RASA3: variants seen among roughly 807,000 people sequenced by gnomAD.
RASA3 encodes the protein RAS p21 protein activator 3, also known as ras GTPase-activating protein 3.
Under a neutral mutation model 110.0 loss-of-function variants are expected in RASA3, and 73 were observed. The observed-to-expected ratio is 0.66, with a 90% CI of 0.55 to 0.81. The LOEUF (loss-of-function observed/expected upper bound fraction) is 0.81. Ranked by LOEUF, RASA3 falls within the 30% of genes least tolerant of loss-of-function variation. RASA3 has a pLI of 0.00. For missense variants in RASA3, 976 were observed against 1,113.2 expected (o/e 0.88, Z 1.75); for synonymous variants, 500 against 451.4 (o/e 1.11, Z -1.37).
chr13:114,055,028 G>A (rs1222551822), intron 2 of RASA3, among the ~76,000 whole-genome samples: 4 of 152,070 alleles, frequency 2.6e-5, no homozygotes, highest in Non-Finnish European at 5.9e-5. Context: ...ACAGGCATGT[G>A]TGTGGGTGTG....
chr13:114,128,488 C>T (rs1455096181), intron 1 of RASA3, among the ~76,000 whole-genome samples: 1 of 152,254 alleles, frequency 6.6e-6, no homozygotes, highest in Non-Finnish European at 1.5e-5. Flanking sequence ...GCCAGGGAGG[C>T]ACAGTCCAGG....
chr13:114,060,234 G>A (rs1374099766), intron 2 of RASA3, among the ~76,000 whole-genome samples: 1 of 152,214 alleles, frequency 6.6e-6, no homozygotes, highest in Non-Finnish European at 1.5e-5. Flanking sequence ...GGGAGCCGAG[G>A]TCAGAGGTCA....
intron 1 of RASA3, among the ~76,000 whole-genome samples, chr13:114,075,465 G>C (rs188525719): frequency 0.024 from 2,069 of 84,520 alleles, 125 homozygotes; most frequent in Admixed American, 0.13. Context: ...TCCGCGCCGC[G>C]TATCTCTGCG....
chr13:114,054,038 A>T (rs1198838909), intron 2 of RASA3, among the ~76,000 whole-genome samples: 2 of 152,186 alleles, frequency 1.3e-5, no homozygotes, highest in East Asian at 3.8e-4. Flanking sequence ...AGGCAGGAGA[A>T]TCGCTTGAAC....
chr13:114,017,219 T>C lies in RASA3; in HGVS notation c.1206+18A>G. On this transcript the variant is annotated intron_variant, in intron 12 of 23. Coordinates refer to ENST00000334062, the MANE Select transcript of RASA3 (RefSeq NM_007368.4). ...CCCCACGCCTCGTGAGGCTGAGGAC[T>C]CTCGGCCCCGTGCTCACCTCCTCGA... 6.2e-7 allele frequency: 1 copy of C among 1,600,736 alleles called. No homozygotes were observed. The highest frequency in any genetic ancestry group is 8.6e-7 in the Non-Finnish European group (1 of 1,168,460).
chr13:114,053,257 G>T (rs925717382), intron 2 of RASA3, among the ~76,000 whole-genome samples: 3 of 149,534 alleles, frequency 2.0e-5, no homozygotes, highest in Non-Finnish European at 4.5e-5. Context: ...GTCACCAGGA[G>T]ATGCAGCCGC....
chr13:114,005,420 A>C (rs1594305410), intron 18 of RASA3, among the ~76,000 whole-genome samples: 1 of 152,084 alleles, frequency 6.6e-6, no homozygotes, highest in South Asian at 2.1e-4. Context: ...TTGAGGGAGG[A>C]CAGGCCTGTG....
intron 21 of RASA3, among the ~76,000 whole-genome samples, chr13:113,995,597 G>T (rs1260017487): frequency 6.6e-6 from 1 of 151,878 alleles, no homozygotes; most frequent in Non-Finnish European, 1.5e-5. Flanking sequence ...CCAGAGGCCC[G>T]GCTGATGGGG....
intron 2 of RASA3, among the ~76,000 whole-genome samples, chr13:114,060,475 G>A (rs545257041): frequency 6.6e-6 from 1 of 152,356 alleles, no homozygotes; most frequent in Non-Finnish European, 1.5e-5. Context: ...CAAGCAAGGT[G>A]CAGCGGTCAG....
rs762848541 is a variant in RASA3 at position 113,979,417 on chromosome 13, T to C, written c.2435A>G (p.His812Arg). The C allele has an allele frequency of 5.6e-6, 9 of 1,598,774 alleles. No homozygotes were observed. The highest frequency in any genetic ancestry group is 3.3e-5 in the Admixed American group (2 of 59,986). ...FKKTKYGSQE[H>R]PIGDKSFQNY... ...CTGGAAGCTCTTGTCTCCGATGGGG[T>C]GCTCCCTGAAAAGGGGGATGGGAGA... The change falls in exon 24 of 24, where the codon CAC (histidine) becomes CGC (arginine). Residue 812 changes from histidine to arginine, a missense_variant. By Grantham distance (29) the His-to-Arg change is conservative. Around this residue, in one of 4 missense-constraint regions of RASA3, gnomAD observed 132 missense variants for 152.8 expected, o/e 0.86. Transcript: ENST00000334062.
In RASA3 at chr13:114,011,248, C is replaced by A. The variant is rs754287355; in HGVS notation, c.1513G>T (p.Asp505Tyr). Reference protein sequence around the residue: ...NLFQLTPHHTDPQTSRTLTLI... With the variant: ...NLFQLTPHHTYPQTSRTLTLI... Reference sequence around the variant, plus strand: ...GTCAGCGTCCTGGACGTCTGGGGGTCCTGGGGAGGCGGGAGCAAGAAAGGT... The same window carrying A: ...GTCAGCGTCCTGGACGTCTGGGGGTACTGGGGAGGCGGGAGCAAGAAAGGT... The change falls in exon 16 of 24, where the codon GAC becomes TAC. Residue 505 changes from aspartate (D) to tyrosine (Y), a missense_variant and splice_region_variant. This residue lies in a region of RASA3 where 732 missense variants were observed against 779.7 expected (regional missense o/e 0.94). Coordinates refer to ENST00000334062, the MANE Select transcript of RASA3 (RefSeq NM_007368.4). This position sits in a 1 kb window ranked among gnomAD's most constrained non-coding sequence, Gnocchi z 4.8. 6.2e-7 allele frequency: 1 copy of A among 1,611,970 alleles called. No homozygotes were observed. Among genetic ancestry groups the A allele is most frequent in the South Asian group, 1.1e-5 (1 of 90,292 alleles).
intron 23 of RASA3, among the ~76,000 whole-genome samples, chr13:113,980,550 T>C (rs1384187168): frequency 1.3e-5 from 2 of 152,254 alleles, no homozygotes; most frequent in East Asian, 1.9e-4. Flanking sequence ...AACAGCATCA[T>C]GCTTCGCGCA....
chr13:114,003,341 A>AG (rs1444106313), intron 18 of RASA3, among the ~76,000 whole-genome samples: 1 of 152,092 alleles, frequency 6.6e-6, no homozygotes, highest in Non-Finnish European at 1.5e-5. Context: ...GGCACCTGGG[A>AG]GGCGCCTGTC....
At chr13:114,089,287 C>T (rs930329116) in intron 1 of RASA3, among the ~76,000 whole-genome samples, 4 of 87,110 alleles carry the variant, frequency 4.6e-5, no homozygotes, top group Non-Finnish European at 8.9e-5. Flanking sequence ...CGAGGGGAGA[C>T]GAGCGGGGAG....
intron 23 of RASA3, among the ~76,000 whole-genome samples, chr13:113,979,958 C>T (rs2052872241): frequency 1.3e-5 from 2 of 150,912 alleles, no homozygotes; most frequent in South Asian, 2.1e-4. Context: ...CACGTGTGTG[C>T]ACCTCCTTCC....
At chr13:114,032,587 A>G (rs1334446208) in intron 4 of RASA3, among the ~76,000 whole-genome samples, 2 of 152,044 alleles carry the variant, frequency 1.3e-5, no homozygotes, top group African/African-American at 2.4e-5. Flanking sequence ...AAAGCCCTTC[A>G]GCCCTCACTT....
At chr13:114,049,606 T>C (rs2079109324) in intron 3 of RASA3, among the ~76,000 whole-genome samples, 1 of 152,268 alleles carries the variant, frequency 6.6e-6, no homozygotes, top group African/African-American at 2.4e-5. Flanking sequence ...CTGTGGATTC[T>C]CGAGTATAAA....
At chr13:114,098,367 G>C (rs1574170) in intron 1 of RASA3, among the ~76,000 whole-genome samples, 1 of 151,940 alleles carries the variant, frequency 6.6e-6, no homozygotes, top group African/African-American at 2.4e-5. Context: ...CCCAGGGTCT[G>C]CGTGCCCAGC....
chr13:114,037,495 G>A (rs1486324615), intron 4 of RASA3, among the ~76,000 whole-genome samples: 4 of 152,170 alleles, frequency 2.6e-5, no homozygotes, highest in African/African-American at 9.7e-5. Flanking sequence ...GGTGGGGAAG[G>A]GGCGGACGGG....
Sources: gnomAD v4.1 joint callset for allele counts (sites outside exome capture counted in the v4.1 genomes callset) on GRCh38, gnomAD v4.1.1 for gene constraint, gnomAD v4.1.1 regional missense constraint, Gnocchi (gnomAD v3.1) non-coding constraint, MANE v1.5 for transcripts, NCBI Gene and HGNC (gene_info 2026-07-23, HGNC 2026-07-21) for gene names.